DICER1: variants seen among roughly 807,000 people sequenced by gnomAD.
DICER1 encodes endoribonuclease Dicer.
A neutral mutation model predicts 194.1 loss-of-function variants in DICER1; 43 were observed. The observed-to-expected ratio is 0.22, with a 90% CI of 0.17 to 0.29. DICER1 has a LOEUF of 0.29. Among genes scored for constraint, DICER1 ranks in the 10% least tolerant of loss-of-function variants. The pLI, the probability that DICER1 is intolerant of heterozygous loss-of-function variation, is 1.00. For missense variants in DICER1, 1,608 were observed against 2,317.0 expected, an observed-to-expected ratio of 0.69 and a Z score of 6.28; for synonymous variants, 832 against 820.5, an observed-to-expected ratio of 1.01 and a Z score of -0.24.
rs1891647697 is a variant in DICER1 at position 95,108,367 on chromosome 14, G to A, written c.2393C>T (p.Thr798Ile). The change falls in exon 15 of 27, where the codon ACC becomes ATC. Residue 798 changes from threonine (T) to isoleucine (I), a missense_variant. Transcript: ENST00000343455. ...CGTCAGTATTCCAAAGCATCTTGTG[G>A]TATCTTCAGGAGGATAGAGCTTCCG... Reference protein sequence around the residue: ...RRRKLYPPEDTTRCFGILTAK... With the variant: ...RRRKLYPPEDITRCFGILTAK... 6.2e-7 allele frequency: 1 copy of A among 1,614,004 alleles called. No homozygotes were observed.
chr14:95,111,616 C>A (rs1252239731), intron 13 of DICER1, among the ~76,000 whole-genome samples, 160 bp from the exon 14 acceptor site: 2 of 152,172 alleles, frequency 1.3e-5, no homozygotes, highest in Admixed American at 6.5e-5. Flanking sequence ...ACACTTCAGG[C>A]AAAGTCTATT....
chr14:95,114,949 T>C (rs904700168), intron 11 of DICER1, among the ~76,000 whole-genome samples: 1 of 152,124 alleles, frequency 6.6e-6, no homozygotes, highest in Admixed American at 6.5e-5. Flanking sequence ...TAAAGAATGG[T>C]TCCAGATTGA....
At chr14:95,111,256 G>C (rs1159396168) in intron 14 of DICER1, 61 bp downstream of exon 14, 1 of 1,600,944 alleles carries the variant, frequency 6.2e-7, no homozygotes, top group South Asian at 1.1e-5. Context: ...ACTGAGATTT[G>C]ATGTAGCGGA....
intron 10 of DICER1, 50 bp from the exon 11 acceptor site, chr14:95,115,871 G>C (rs767683105): frequency 6.3e-7 from 1 of 1,581,880 alleles, no homozygotes; most frequent in Non-Finnish European, 8.7e-7. Context: ...CCTCTCTGCT[G>C]TATGCTGTCT....
At chr14:95,139,145 A>T (rs1894660010) in intron 1 of DICER1, among the ~76,000 whole-genome samples, 1 of 152,214 alleles carries the variant, frequency 6.6e-6, no homozygotes, top group Admixed American at 6.5e-5. Flanking sequence ...TTAATCCTGT[A>T]TTTCAATCCT....
At chr14:95,104,534 T>C (rs1421782265) in intron 20 of DICER1, among the ~76,000 whole-genome samples, 3 of 152,252 alleles carry the variant, frequency 2.0e-5, no homozygotes, top group Admixed American at 2.0e-4. Context: ...ACTGTCTTAA[T>C]GATTAAATGA....
intron 10 of DICER1, among the ~76,000 whole-genome samples, chr14:95,116,081 A>T (rs1444619692): frequency 6.6e-6 from 1 of 151,042 alleles, no homozygotes; most frequent in Non-Finnish European, 1.5e-5. Context: ...ACACACACAC[A>T]CACACACACG....
chr14:95,121,420 A>T (rs1892929472), intron 8 of DICER1, among the ~76,000 whole-genome samples: 1 of 152,246 alleles, frequency 6.6e-6, no homozygotes. Context: ...TAGTTTTCTT[A>T]GTTGTGACAA....
chr14:95,105,937 A>G lies in DICER1; in HGVS notation c.2987+104T>C. On this transcript the variant is annotated intron_variant, in intron 18 of 26. Coordinates refer to ENST00000343455, the MANE Select transcript of DICER1 (RefSeq NM_177438.3). The surrounding 1 kb of genome is among the most constrained non-coding windows in gnomAD (Gnocchi z 4.9). The stretch of plus-strand genomic sequence containing the variant: ...TGTGCAAAGCATCTCCTGATTTCAG[A>G]TAGTCCACGGGTGGGCAGGGGGACA... 5 of 1,440,252 alleles carry G rather than the reference A, an allele frequency of 3.5e-6. No individual in the cohort carries two copies. Among genetic ancestry groups the G allele is most frequent in the Non-Finnish European group, 4.9e-6 (5 of 1,022,490 alleles). The allele number at this position is 1,440,252 out of a possible 1,614,324, so 89.2% of individuals were successfully genotyped here. A position where few individuals can be genotyped will look rare whatever the true frequency, so the allele number is the denominator to read the frequency against.
At chr14:95,117,791 C>T in intron 8 of DICER1, 37 bp from the exon 9 acceptor site, 1 of 1,605,388 alleles carries the variant, frequency 6.2e-7, no homozygotes, top group African/African-American at 1.3e-5. Flanking sequence ...TTAAACGTTG[C>T]TGAAAGAAAA....
At chr14:95,126,432 G>T (rs145570234) in intron 7 of DICER1, 148 bp downstream of exon 7, 1 of 577,598 alleles carries the variant, frequency 1.7e-6, no homozygotes, top group African/African-American at 1.9e-5. Context: ...ACCTAATATG[G>T]TATGTTCAAT....
chr14:95,102,025 T>C (rs1184593318), intron 21 of DICER1, among the ~76,000 whole-genome samples: 3 of 152,140 alleles, frequency 2.0e-5, no homozygotes, highest in Non-Finnish European at 1.5e-5. Flanking sequence ...ACCTATAAAA[T>C]GGGGAAAATA....
intron 8 of DICER1, among the ~76,000 whole-genome samples, chr14:95,119,461 G>A (rs769260776): frequency 4.6e-5 from 7 of 152,138 alleles, no homozygotes; most frequent in African/African-American, 1.7e-4. Flanking sequence ...CAGTACCCAG[G>A]ACAAAGCTAC....
chr14:95,132,407 T>C (rs1894024574), intron 3 of DICER1, 108 bp downstream of exon 3: 1 of 1,200,148 alleles, frequency 8.3e-7, no homozygotes, highest in African/African-American at 1.5e-5. Context: ...GTACATTATC[T>C]GTCAAACTTT....
At chr14:95,139,053 T>C (rs1894654826) in intron 1 of DICER1, among the ~76,000 whole-genome samples, 1 of 151,758 alleles carries the variant, frequency 6.6e-6, no homozygotes, top group Non-Finnish European at 1.5e-5. Context: ...CACCAGCAAT[T>C]TCCACAACAG....
chr14:95,102,794 A>C (rs144785386), intron 21 of DICER1, among the ~76,000 whole-genome samples: 1 of 152,066 alleles, frequency 6.6e-6, no homozygotes, highest in South Asian at 2.1e-4. Flanking sequence ...ATCGAGCGTT[A>C]ATTACTCAGA....
At chr14:95,112,806 T>A (rs1452165193) in intron 12 of DICER1, among the ~76,000 whole-genome samples, 1 of 152,254 alleles carries the variant, frequency 6.6e-6, no homozygotes, top group Non-Finnish European at 1.5e-5. Context: ...AGTAACACCT[T>A]AGAAGAAACT....
rs915073326 is a variant in DICER1, at chr14:95,138,973, A to T, written c.-45-5470T>A. On this transcript the variant is annotated intron_variant, in intron 1 of 26. Coordinates refer to ENST00000343455, the MANE Select transcript of DICER1 (RefSeq NM_177438.3). The stretch of plus-strand genomic sequence containing the variant: ...CCTAAAACTTAGAGTATAATAAAAA[A>T]AATAAAAATAAATAAAAAAATAAAA... Among the ~76,000 whole-genome samples the T allele has an allele frequency of 4.5e-3, 215 of 47,518 alleles. 2 individuals carry two copies. The highest frequency in any genetic ancestry group is 0.013 in the African/African-American group (211 of 15,784). The allele number at this position is 47,518 out of a possible 152,430, so 31.2% of individuals were successfully genotyped here.
chr14:95,110,341 G>T (rs976143355), intron 14 of DICER1, among the ~76,000 whole-genome samples: 2 of 152,168 alleles, frequency 1.3e-5, no homozygotes, highest in Admixed American at 1.3e-4. Context: ...TCCCGGACAG[G>T]ACACCACTCT....
Sources: allele counts gnomAD v4.1 joint callset (sites outside exome capture counted in the v4.1 genomes callset), GRCh38; gene constraint gnomAD v4.1.1; non-coding constraint Gnocchi (gnomAD v3.1); transcripts MANE v1.5; gene names NCBI Gene and HGNC (gene_info 2026-07-23, HGNC 2026-07-21).